Variants in ARHGEF26 observed in about 807,000 individuals in gnomAD.
ARHGEF26 encodes the protein Rho guanine nucleotide exchange factor 26.
A neutral mutation model predicts 89.4 loss-of-function variants in ARHGEF26; 59 were observed. That is an observed-to-expected ratio of 0.66 (90% CI 0.54 to 0.82). The LOEUF (loss-of-function observed/expected upper bound fraction) is 0.82, where lower values mean the gene tolerates loss of function less well. Among genes scored for constraint, ARHGEF26 ranks in the 40% least tolerant of loss-of-function variants. The pLI is 0.00. For missense variants in ARHGEF26, 1,234 were observed against 1,085.6 expected, an observed-to-expected ratio of 1.14 and a Z score of -1.92; for synonymous variants, 500 against 428.4, an observed-to-expected ratio of 1.17 and a Z score of -2.06.
chr3:154,153,553 C>T lies in ARHGEF26; in HGVS notation c.1487+621C>T, dbSNP rs545291082. On this transcript the variant is annotated intron_variant, in intron 6 of 14. Coordinates refer to ENST00000465093, the MANE Select transcript of ARHGEF26 (RefSeq NM_015595.4). ...AAGGTTATTTTCTTACATAACTACA[C>T]TGTTGTGGTTATACTTATGATGATG... Among the ~76,000 whole-genome samples the T allele has an allele frequency of 9.9e-5, 15 of 152,128 alleles. No individual in the cohort carries two copies. In the South Asian group the frequency reaches 2.9e-3, roughly 29 times the overall value.
rs1435663213 is a variant in ARHGEF26, at chr3:154,122,475, C to T, written c.483C>T (p.Asp161=). The T allele has an allele frequency of 1.9e-6, 3 of 1,612,680 alleles. No individual in the cohort carries two copies. ...NAPAPCTPEE[D]LTGLTASPVP... ...CCGCCCCCTGCACCCCCGAGGAGGA[C>T]CTTACTGGGTTGACTGCCAGCCCGG... The change falls in exon 2 of 15, where the codon GAC becomes GAT. Residue 161 remains aspartate (D), a synonymous_variant. Transcript: ENST00000465093.
rs560323956 is a variant in ARHGEF26, at chr3:154,250,084, G to A, written c.2301-3032G>A. Among the ~76,000 whole-genome samples the A allele has an allele frequency of 7.9e-5, 12 of 152,220 alleles. 1 individual carries two copies. The South Asian group carries it at 2.5e-3, about 32-fold the overall frequency. ...TTGCTCTTGTCGCCTAGGCTGGAGT[G>A]CAATGGTGCACTCTTGGCTCACCGC... On this transcript the variant is annotated intron_variant, in intron 12 of 14. Transcript: ENST00000465093.
chr3:154,210,960 T>A (rs1196927754), intron 9 of ARHGEF26, among the ~76,000 whole-genome samples: 2 of 150,520 alleles, frequency 1.3e-5, no homozygotes, highest in African/African-American at 2.4e-5. Flanking sequence ...AAAAAAAAAA[T>A]TTGTCTGGGA....
intron 4 of ARHGEF26, among the ~76,000 whole-genome samples, chr3:154,137,052 G>T (rs1690606601): frequency 6.6e-6 from 1 of 152,124 alleles, no homozygotes; most frequent in African/African-American, 2.4e-5. Flanking sequence ...AGGCCCATGT[G>T]CCTAGACCTG....
intron 12 of ARHGEF26, among the ~76,000 whole-genome samples, chr3:154,245,802 G>C (rs769695663): frequency 6.6e-6 from 1 of 152,126 alleles, no homozygotes; most frequent in African/African-American, 2.4e-5. Context: ...GTGGATTTTT[G>C]TCAGGCACCT....
At chr3:154,127,882 G>T (rs1718432166) in intron 3 of ARHGEF26, among the ~76,000 whole-genome samples, 1 of 152,130 alleles carries the variant, frequency 6.6e-6, no homozygotes, top group South Asian at 2.1e-4. Context: ...GACCACCGTT[G>T]TAGATGTGGT....
rs780325439 is a variant in ARHGEF26 at position 154,254,810 on chromosome 3, A to G, written c.2459A>G (p.Gln820Arg). 1 of 1,613,688 alleles carries G rather than the reference A, an allele frequency of 6.2e-7. No homozygotes were observed. The highest frequency in any genetic ancestry group is 1.1e-5 in the South Asian group (1 of 91,068). Residue 820 changes from glutamine (Q) to arginine (R), a missense_variant, in exon 14 of 15, where the codon CAA becomes CGA. Transcript: ENST00000465093. ...GTGGCTGACGTCGTCCTCATCTATC[A>G]ACGTGTCAGCGATGGTGAGTGGGAG... The part of the protein sequence containing the change: ...LQVADVVLIY[Q>R]RVSDGWYEGE...
intron 9 of ARHGEF26, among the ~76,000 whole-genome samples, chr3:154,202,360 C>G (rs1483031656): frequency 6.6e-6 from 1 of 152,082 alleles, no homozygotes; most frequent in Non-Finnish European, 1.5e-5. Context: ...TTCCCTTGGT[C>G]TATATCTCTG....
At chr3:154,191,190 T>C in intron 7 of ARHGEF26, 99 bp from the exon 8 acceptor site, 1 of 1,264,494 alleles carries the variant, frequency 7.9e-7, no homozygotes, top group South Asian at 1.5e-5. Flanking sequence ...TAGTTGATGC[T>C]ATATGGATTT....
chr3:154,123,704 A>T (rs1718144753), intron 2 of ARHGEF26, among the ~76,000 whole-genome samples: 1 of 152,120 alleles, frequency 6.6e-6, no homozygotes, highest in Admixed American at 6.5e-5. Context: ...TTCCCGTTGT[A>T]TGCCCATTCA....
At position 154,194,607 on chromosome 3, in the gene ARHGEF26, A is replaced by T. The variant is rs201354382; in HGVS notation, c.1771-37A>T. ...TTGGTTTTATTTTACTTAATAAAAT[A>T]GATCAATAAATTTTGTTCACTTTTA... On this transcript the variant is annotated intron_variant, in intron 8 of 14. Transcript: ENST00000465093. 56 of 1,442,240 alleles carry T rather than the reference A, an allele frequency of 3.9e-5. No homozygotes were observed. In the African/African-American group the frequency reaches 6.5e-4, roughly 17 times the overall value. 89.3% of individuals were successfully genotyped at this position (1,442,240 alleles called of 1,614,324 possible).
At chr3:154,129,403 T>C (rs879608764) in intron 3 of ARHGEF26, among the ~76,000 whole-genome samples, 171 bp from the exon 4 acceptor site, 3 of 152,188 alleles carry the variant, frequency 2.0e-5, no homozygotes, top group Non-Finnish European at 2.9e-5. Context: ...GAGATAGAGC[T>C]ATGTGAATGA....
At chr3:154,155,352 GA>G (rs1451588728) in intron 6 of ARHGEF26, among the ~76,000 whole-genome samples, 1 of 151,916 alleles carries the variant, frequency 6.6e-6, no homozygotes, top group East Asian at 1.9e-4. Flanking sequence ...TGAAACACAA[GA>G]ATATTTGCTT....
At position 154,186,886 on chromosome 3, in the gene ARHGEF26, C is replaced by CTTTTTTTTTTTTTTT. The variant is rs201150057; in HGVS notation, c.1488-785_1488-771dup. On this transcript the variant is annotated intron_variant, in intron 6 of 14. Transcript: ENST00000465093. ...CATATACTGTTAGATTTATTTCAGA[C>CTTTTTTTTTTTTTTT]TTTTTTTTTTTTTTTTTTTTTTTTT... Among the ~76,000 whole-genome samples the CTTTTTTTTTTTTTTT allele has an allele frequency of 1.6e-4, 13 of 82,072 alleles. 3 individuals carry two copies. Among genetic ancestry groups the CTTTTTTTTTTTTTTT allele is most frequent in the African/African-American group, 6.1e-4 (13 of 21,160 alleles). 53.8% of individuals were successfully genotyped at this position (82,072 alleles called of 152,430 possible).
chr3:154,239,978 T>G (rs1315068178), intron 11 of ARHGEF26, among the ~76,000 whole-genome samples: 1 of 152,072 alleles, frequency 6.6e-6, no homozygotes, highest in Non-Finnish European at 1.5e-5. Flanking sequence ...GGGTGAGGTC[T>G]TGTTACCCAG....
intron 13 of ARHGEF26, 48 bp downstream of exon 13, chr3:154,253,231 G>GC (rs749205618): frequency 1.6e-5 from 26 of 1,602,460 alleles, no homozygotes; most frequent in African/African-American, 1.3e-5. Flanking sequence ...GATGGGCTCT[G>GC]CCCCCTGCTG....
chr3:154,237,393 T>C (rs1717180984), intron 11 of ARHGEF26, among the ~76,000 whole-genome samples: 1 of 151,836 alleles, frequency 6.6e-6, no homozygotes, highest in Non-Finnish European at 1.5e-5. Flanking sequence ...AATACAAAAA[T>C]TAACCAGGCA....
chr3:154,203,635 A>G (rs922197139), intron 9 of ARHGEF26, among the ~76,000 whole-genome samples: 1 of 152,002 alleles, frequency 6.6e-6, no homozygotes, highest in Non-Finnish European at 1.5e-5. Context: ...ATGATTTTTT[A>G]TCATGTTGGG....
rs373177840 is a variant in ARHGEF26 at position 154,149,342 on chromosome 3, T to C, written c.1270-47T>C. The C allele has an allele frequency of 7.9e-5, 120 of 1,522,322 alleles. No individual in the cohort carries two copies. The African/African-American group carries it at 1.5e-3, about 19-fold the overall frequency. 94.3% of individuals were successfully genotyped at this position (1,522,322 alleles called of 1,614,324 possible). On this transcript the variant is annotated intron_variant, in intron 4 of 14. Transcript: ENST00000465093. The stretch of plus-strand genomic sequence containing the variant: ...GCCTTGAATAATGCCCTTGAAACTT[T>C]TAAAGTATTAATAAATGAGTCAACT...
Sources: gnomAD v4.1 joint callset for allele counts (sites outside exome capture counted in the v4.1 genomes callset) on GRCh38, gnomAD v4.1.1 for gene constraint, MANE v1.5 for transcripts, NCBI Gene and HGNC (gene_info 2026-07-23, HGNC 2026-07-21) for gene names.